Variants in FLT3 observed in about 807,000 individuals in gnomAD.
FLT3 encodes fms related receptor tyrosine kinase 3, also known as receptor-type tyrosine-protein kinase FLT3.
FLT3 carries 46 observed loss-of-function variants against 126.6 expected under a neutral mutation model. The observed-to-expected ratio is 0.36, with a 90% CI of 0.29 to 0.46. FLT3 has a LOEUF of 0.46. Among genes scored for constraint, FLT3 ranks in the 20% least tolerant of loss-of-function variants. The pLI is 1.00. For synonymous variants in FLT3, 404 were observed against 434.4 expected (o/e 0.93, Z 0.87); for missense variants, 1,069 against 1,190.3 (o/e 0.90, Z 1.50).
chr13:28,033,573 G>A (rs61944702), intron 15 of FLT3, among the ~76,000 whole-genome samples: 1 of 152,076 alleles, frequency 6.6e-6, no homozygotes, highest in East Asian at 1.9e-4. Context: ...CTGAGCCCAG[G>A]GGGTGGAGGC....
chr13:28,057,277 G>C (rs755235403), intron 4 of FLT3, 70 bp downstream of exon 4: 1 of 781,872 alleles, frequency 1.3e-6, no homozygotes, highest in Non-Finnish European at 2.3e-6. Flanking sequence ...TCAAGCTAAC[G>C]GGTTCTAAAC....
At chr13:28,051,241 CT>C (rs1215307745) in intron 5 of FLT3, among the ~76,000 whole-genome samples, 1 of 145,490 alleles carries the variant, frequency 6.9e-6, no homozygotes, top group Non-Finnish European at 1.5e-5. Flanking sequence ...TTCTTCCTTT[CT>C]TTTCTTTTTT....
Position 28,028,090 on chromosome 13 carries a change from AG to A in FLT3, c.2053+87del, listed in dbSNP as rs1361863268. 21 of 1,484 alleles carry A rather than the reference AG, an allele frequency of 0.014. No individual in the cohort carries two copies. In the Non-Finnish European group the frequency reaches 0.42, roughly 29 times the overall value. The allele number at this position is 1,484 out of a possible 1,614,324, so 0.1% of individuals were successfully genotyped here. On this transcript the variant is annotated intron_variant, in intron 16 of 23. Coordinates refer to ENST00000241453, the MANE Select transcript of FLT3 (RefSeq NM_004119.3). ...ACTGAGAAAAGACAAAGAATTAAAA[AG>A]AGAGAGAGAGAGAGAGAGAGCAAAC...
At chr13:28,023,625 C>T (rs1872584042) in intron 18 of FLT3, 148 bp from the exon 19 acceptor site, 1 of 835,266 alleles carries the variant, frequency 1.2e-6, no homozygotes, top group Non-Finnish European at 1.9e-6. Context: ...TTAGAGATGA[C>T]CTGTTTATGC....
chr13:28,064,290 C>T (rs1306099118), intron 2 of FLT3, among the ~76,000 whole-genome samples: 1 of 152,130 alleles, frequency 6.6e-6, no homozygotes, highest in Non-Finnish European at 1.5e-5. Flanking sequence ...AAGAATGGCC[C>T]TCAGCCAGGG....
intron 1 of FLT3, among the ~76,000 whole-genome samples, chr13:28,072,984 G>A (rs1244883520): frequency 2.0e-5 from 3 of 151,168 alleles, no homozygotes; most frequent in East Asian, 3.9e-4. Flanking sequence ...CAGCCTGGGC[G>A]ACAGAGCGAG....
intron 23 of FLT3, among the ~76,000 whole-genome samples, chr13:28,010,227 C>T (rs1340323791): frequency 6.6e-6 from 1 of 152,204 alleles, no homozygotes; most frequent in Non-Finnish European, 1.5e-5. Context: ...TGCTTTCATG[C>T]TGACTTCATT....
In FLT3 at chr13:28,024,905, G is replaced by A. The variant is rs1355239392; in HGVS notation, c.2246C>T (p.Ser749Leu). The A allele has an allele frequency of 9.3e-6, 15 of 1,612,126 alleles. No individual in the cohort carries two copies. Among genetic ancestry groups the A allele is most frequent in the Admixed American group, 8.4e-5 (5 of 59,632 alleles). Residue 749 changes from serine to leucine, a missense_variant, in exon 18 of 24, where the codon TCG becomes TTG. Transcript: ENST00000241453. Reference sequence around the variant, plus strand: ...CCCATGAAGCCCTGAGATTTGATCCGAGTCCGGGTGTATCTGAACTTCTCT... The same window carrying A: ...CCCATGAAGCCCTGAGATTTGATCCAAGTCCGGGTGTATCTGAACTTCTCT... ...GSREVQIHPD[S>L]DQISGLHGNS...
At position 28,003,588 on chromosome 13, in the gene FLT3, C is replaced by T. The variant is rs1870624396; in HGVS notation, c.*464G>A. On this transcript the variant is annotated 3_prime_UTR_variant, in exon 24 of 24. Transcript: ENST00000241453. ...CAGTTAAGACTTGCCCTAATTATACCATGTAAATAATTCAATAATGGGCAA... is the reference window on the plus strand; with the variant it reads ...CAGTTAAGACTTGCCCTAATTATACTATGTAAATAATTCAATAATGGGCAA... 1.6e-5 allele frequency: 4 copies of T among 243,846 alleles called. No homozygotes were observed. The allele number at this position is 243,846 out of a possible 1,614,324, so 15.1% of individuals were successfully genotyped here.
At chr13:28,057,588 G>A in intron 3 of FLT3, 126 bp from the exon 4 acceptor site, 1 of 630,992 alleles carries the variant, frequency 1.6e-6, no homozygotes, top group Non-Finnish European at 2.8e-6. Flanking sequence ...GCCGCTCTGT[G>A]GAGAACACAG....
At chr13:28,045,854 CA>C (rs11356393) in intron 9 of FLT3, among the ~76,000 whole-genome samples, 67,515 of 125,376 alleles carry the variant, frequency 0.54, 18,132 homozygotes, top group East Asian at 0.8. Context: ...GACTCTGTCT[CA>C]AAAAAAAAAA....
intron 23 of FLT3, among the ~76,000 whole-genome samples, chr13:28,007,042 C>G (rs140481983): frequency 6.6e-6 from 1 of 151,996 alleles, no homozygotes; most frequent in Non-Finnish European, 1.5e-5. Flanking sequence ...CCCTCAGCCA[C>G]TGTTGTTTTT....
intron 19 of FLT3, among the ~76,000 whole-genome samples, chr13:28,020,710 C>A (rs917054188): frequency 2.0e-5 from 3 of 152,090 alleles, no homozygotes; most frequent in East Asian, 3.9e-4. Flanking sequence ...ATAAGATCTT[C>A]GAGCCCAGGA....
At chr13:28,005,481 A>G (rs1870800136) in intron 23 of FLT3, among the ~76,000 whole-genome samples, 1 of 152,290 alleles carries the variant, frequency 6.6e-6, no homozygotes, top group Non-Finnish European at 1.5e-5. Flanking sequence ...TATACTGCTC[A>G]TATGTTGCCT....
At chr13:28,025,020 C>A in intron 17 of FLT3, 77 bp from the exon 18 acceptor site, 1 of 807,654 alleles carries the variant, frequency 1.2e-6, no homozygotes, top group South Asian at 1.5e-5. Flanking sequence ...TGTAATTCAT[C>A]AAATAAATGG....
Position 28,034,082 on chromosome 13 carries a change from C to T in FLT3, c.1837G>A (p.Gly613Arg), listed in dbSNP as rs751544883. ...AACATTTGGCACATTCCATTCTTAC[C>T]AAACTCTAAATTTTCTCTTGGAAAC... The part of the protein sequence containing the change: ...WEFPRENLEF[G>R]KVLGSGAFGK... Residue 613 changes from glycine to arginine, a missense_variant and splice_region_variant, in exon 14 of 24, where the codon GGG becomes AGG. Gly to Arg is a moderately radical substitution (Grantham distance 125). Transcript: ENST00000241453. 6.2e-7 allele frequency: 1 copy of T among 1,613,528 alleles called. No individual in the cohort carries two copies. The highest frequency in any genetic ancestry group is 8.5e-7 in the Non-Finnish European group (1 of 1,179,868).
At position 28,015,561 on chromosome 13, in the gene FLT3, C is replaced by G. The variant is rs751419946; in HGVS notation, c.2653+29G>C. The G allele has an allele frequency of 2.9e-6, 4 of 1,385,754 alleles. No individual in the cohort carries two copies. The East Asian group carries it at 9.1e-5, about 32-fold the overall frequency. The allele number at this position is 1,385,754 out of a possible 1,614,324, so 85.8% of individuals were successfully genotyped here. A position where few individuals can be genotyped will look rare whatever the true frequency, so the allele number is the denominator to read the frequency against. On this transcript the variant is annotated intron_variant, in intron 21 of 23. Coordinates refer to ENST00000241453, the MANE Select transcript of FLT3 (RefSeq NM_004119.3). ...GAGCAGAGGATGCAAAGCCAGGAGC[C>G]AAGGGAGGCCAGCAGCTGCCCAACT...
At chr13:28,096,442 T>A (rs1593313591) in intron 1 of FLT3, among the ~76,000 whole-genome samples, 1 of 102,572 alleles carries the variant, frequency 9.7e-6, no homozygotes, top group East Asian at 2.5e-4. Context: ...ACGCATGCAA[T>A]TTTTTTTTTT....
intron 23 of FLT3, among the ~76,000 whole-genome samples, chr13:28,005,746 A>G (rs916707738): frequency 6.6e-6 from 1 of 151,964 alleles, no homozygotes; most frequent in Admixed American, 6.6e-5. Flanking sequence ...ATTTATTTCT[A>G]CTCCTATCAA....
Sources: gnomAD v4.1 joint callset for allele counts (sites outside exome capture counted in the v4.1 genomes callset) on GRCh38, gnomAD v4.1.1 for gene constraint, MANE v1.5 for transcripts, NCBI Gene and HGNC (gene_info 2026-07-23, HGNC 2026-07-21) for gene names.